The following SMOC2 variants were observed in gnomAD, a reference collection of about 807,000 sequenced individuals.
SMOC2 encodes SPARC related modular calcium binding 2, also known as SPARC-related modular calcium-binding protein 2.
In SMOC2, 39 loss-of-function variants were observed where a neutral mutation model predicts 61.4. That is an observed-to-expected ratio of 0.64 (90% CI 0.49 to 0.83). SMOC2 has a LOEUF of 0.83. Among genes scored for constraint, SMOC2 ranks in the 40% least tolerant of loss-of-function variants. SMOC2 has a pLI of 0.00. For missense variants in SMOC2, 556 were observed against 592.9 expected (o/e 0.94, Z 0.65); for synonymous variants, 247 against 239.9 (o/e 1.03, Z -0.27).
chr6:168,540,006 G>A (rs1783842474), intron 4 of SMOC2, among the ~76,000 whole-genome samples: 1 of 152,190 alleles, frequency 6.6e-6, no homozygotes, highest in Admixed American at 6.5e-5. Context: ...TACATTAAAT[G>A]ACTTCAAGTC....
intron 7 of SMOC2, among the ~76,000 whole-genome samples, chr6:168,581,643 A>G (rs1441521332): frequency 3.3e-5 from 5 of 152,262 alleles, no homozygotes; most frequent in Non-Finnish European, 7.3e-5. Context: ...TCTGAAATTC[A>G]CTTTTGATAA....
intron 9 of SMOC2, among the ~76,000 whole-genome samples, chr6:168,638,914 T>C (rs4708481): frequency 0.38 from 57,658 of 152,070 alleles, 11,359 homozygotes; most frequent in South Asian, 0.53. Flanking sequence ...AAATCTCCAG[T>C]GCCCAGCTGC....
At chr6:168,498,083 C>T (rs566282659) in intron 1 of SMOC2, among the ~76,000 whole-genome samples, 5 of 152,146 alleles carry the variant, frequency 3.3e-5, no homozygotes, top group South Asian at 2.1e-4. Flanking sequence ...AGCTGCCTCT[C>T]GGACATATTG....
At chr6:168,570,880 G>A (rs1234911293) in intron 7 of SMOC2, among the ~76,000 whole-genome samples, 1 of 152,168 alleles carries the variant, frequency 6.6e-6, no homozygotes, top group African/African-American at 2.4e-5. Flanking sequence ...TGTCTGGGGG[G>A]CAGTGTATTT....
intron 4 of SMOC2, among the ~76,000 whole-genome samples, chr6:168,531,770 G>A (rs1443511426): frequency 3.3e-5 from 5 of 152,194 alleles, no homozygotes; most frequent in Non-Finnish European, 4.4e-5. Context: ...ACCTTCCAAG[G>A]TCTCTGTGCT....
At chr6:168,523,581 A>G (rs556835699) in intron 2 of SMOC2, among the ~76,000 whole-genome samples, 235 of 149,180 alleles carry the variant, frequency 1.6e-3, no homozygotes, top group Non-Finnish European at 2.9e-3. Context: ...TTTTATTTTT[A>G]GTAGAGACGG....
At chr6:168,644,131 G>A (rs1285491153) in intron 9 of SMOC2, among the ~76,000 whole-genome samples, 1 of 152,214 alleles carries the variant, frequency 6.6e-6, no homozygotes, top group Non-Finnish European at 1.5e-5. Context: ...TTTAACTCTG[G>A]CAATGTCAGG....
At chr6:168,600,448 G>A (rs1363748402) in intron 8 of SMOC2, among the ~76,000 whole-genome samples, 12 of 136,012 alleles carry the variant, frequency 8.8e-5, no homozygotes, top group East Asian at 2.2e-4. Flanking sequence ...AAAAAAAACA[G>A]TAGTTTCAAC....
chr6:168,543,100 T>G (rs1018690918), intron 4 of SMOC2, among the ~76,000 whole-genome samples: 3 of 152,226 alleles, frequency 2.0e-5, no homozygotes, highest in Non-Finnish European at 4.4e-5. Flanking sequence ...ATTTGTAATA[T>G]GCATCTTTCA....
chr6:168,477,664 T>G (rs1040146258), intron 1 of SMOC2, among the ~76,000 whole-genome samples: 2 of 152,136 alleles, frequency 1.3e-5, no homozygotes, highest in Non-Finnish European at 2.9e-5. Context: ...CCTCACTGTT[T>G]GCTGTTGTAT....
At chr6:168,599,423 C>CA (rs1267294237) in intron 8 of SMOC2, among the ~76,000 whole-genome samples, 6 of 125,388 alleles carry the variant, frequency 4.8e-5, no homozygotes, top group African/African-American at 1.5e-4. Flanking sequence ...TTCATACCCC[C>CA]CACACCCACA....
chr6:168,637,799 T>C (rs1583178350), intron 9 of SMOC2, among the ~76,000 whole-genome samples: 2 of 152,136 alleles, frequency 1.3e-5, no homozygotes, highest in South Asian at 2.1e-4. Context: ...TCCTGTCTGT[T>C]TGTGCTGCTT....
At chr6:168,519,158 TGTATGCGTGCATGTGTGA>T (rs1050837312) in intron 2 of SMOC2, among the ~76,000 whole-genome samples, 31 of 151,996 alleles carry the variant, frequency 2.0e-4, no homozygotes, top group African/African-American at 6.0e-4. Flanking sequence ...CATGCGTGTG[TGTATGCGTGCATGTGTGA>T]GTATGCGTGC....
chr6:168,513,252 C>G (rs1783050815), intron 2 of SMOC2, among the ~76,000 whole-genome samples: 1 of 152,084 alleles, frequency 6.6e-6, no homozygotes, highest in African/African-American at 2.4e-5. Context: ...CCCTAAGCAT[C>G]CATTCTTATC....
chr6:168,550,825 T>C (rs1054749706), intron 7 of SMOC2, among the ~76,000 whole-genome samples: 4 of 152,220 alleles, frequency 2.6e-5, no homozygotes, highest in African/African-American at 9.6e-5. Context: ...TCTCATGAAC[T>C]TTTGACACTG....
chr6:168,538,562 G>T (rs1397581665), intron 4 of SMOC2, among the ~76,000 whole-genome samples: 3 of 131,746 alleles, frequency 2.3e-5, no homozygotes, highest in African/African-American at 8.8e-5. Context: ...GAATGTGGGG[G>T]AGTGGGGTGA....
chr6:168,532,440 C>T (rs1000467858), intron 4 of SMOC2, among the ~76,000 whole-genome samples: 1 of 151,924 alleles, frequency 6.6e-6, no homozygotes, highest in African/African-American at 2.4e-5. Context: ...CTCCCCCCCT[C>T]CCCCACAAAG....
intron 7 of SMOC2, among the ~76,000 whole-genome samples, chr6:168,556,868 C>T (rs1278625444): frequency 6.7e-6 from 1 of 150,218 alleles, no homozygotes; most frequent in Admixed American, 6.7e-5. Flanking sequence ...GTTTTGTCAT[C>T]TGTGAAATTC....
chr6:168,562,374 ACAC>A (rs1784437775), intron 7 of SMOC2, among the ~76,000 whole-genome samples: 2 of 112,490 alleles, frequency 1.8e-5, no homozygotes, highest in African/African-American at 3.5e-5. Context: ...CTGCCCTGAG[ACAC>A]AAGGCTCTCA....
Sources: gnomAD v4.1 joint callset for allele counts (sites outside exome capture counted in the v4.1 genomes callset) on GRCh38, gnomAD v4.1.1 for gene constraint, MANE v1.5 for transcripts, NCBI Gene and HGNC (gene_info 2026-07-23, HGNC 2026-07-21) for gene names.